Variants in RFPL1 observed in about 807,000 individuals in gnomAD.
The protein encoded by RFPL1 is ret finger protein-like 1.
RFPL1 carries 6 observed loss-of-function variants against 9.6 expected under a neutral mutation model. The ratio of observed to expected loss-of-function variants is 0.62; its 90% confidence interval spans 0.34 to 1.23. The LOEUF (loss-of-function observed/expected upper bound fraction) is 1.23, where lower values mean the gene tolerates loss of function less well. Among genes scored for constraint, RFPL1 ranks in the 50% most tolerant of loss-of-function variants. The probability of loss-of-function intolerance (pLI) is 0.03; values close to 1 mark genes in which losing one functional copy is unlikely to be tolerated. For missense variants in RFPL1, 352 were observed against 398.4 expected (o/e 0.88, Z 0.99); for synonymous variants, 145 against 149.4 (o/e 0.97, Z 0.22).
chr22:29,441,501 C>A (rs778630330), intron 1 of RFPL1, 41 bp from the exon 2 acceptor site: 10 of 1,582,200 alleles, frequency 6.3e-6, no homozygotes, highest in Non-Finnish European at 6.9e-6. Flanking sequence ...ATGGGGTTGG[C>A]TTCTGTCCAT....
At chr22:29,422,994 A>T in the RFPL1 span, 1 of 764,298 alleles carries the variant, frequency 1.3e-6, no homozygotes, top group South Asian at 1.7e-5. Context: ...ATCTACCACA[A>T]GCTCTAGGTC....
chr22:29,437,162 A>T (rs746306405), upstream of RFPL1: 20 of 158,918 alleles, frequency 1.3e-4, no homozygotes, highest in Non-Finnish European at 2.2e-4. Context: ...TAATTATCCA[A>T]TTTTTTCCTA....
chr22:29,405,229 C>T, the RFPL1 span, among the ~76,000 whole-genome samples: 8 of 152,046 alleles, frequency 5.3e-5, no homozygotes, highest in African/African-American at 1.4e-4. Flanking sequence ...TTAGGATTGT[C>T]GGAGCAGGGA....
chr22:29,439,062 A>G lies in RFPL1; in HGVS notation c.271A>G (p.Arg91Gly), dbSNP rs775094034. Residue 91 changes from arginine (R) to glycine (G), a missense_variant, in exon 1 of 2, where the codon AGG becomes GGG. Coordinates refer to ENST00000354373, the Ensembl canonical transcript of RFPL1. The stretch of plus-strand genomic sequence containing the variant: ...CATGGTCTCTCAGAAGAACAAAATC[A>G]GGCCCAGTTGGCAGCTAGAGAGGCT... 58 of 1,614,068 alleles carry G rather than the reference A, an allele frequency of 3.6e-5. No individual in the cohort carries two copies. The highest frequency in any genetic ancestry group is 4.7e-5 in the Non-Finnish European group (56 of 1,180,044).
chr22:29,397,160 C>T, the RFPL1 span, among the ~76,000 whole-genome samples: 12 of 146,276 alleles, frequency 8.2e-5, no homozygotes, highest in East Asian at 6.3e-4. Context: ...CCGCCCACCT[C>T]GGCCTCCCAA....
At chr22:29,431,858 T>A in the RFPL1 span, among the ~76,000 whole-genome samples, 5 of 151,690 alleles carry the variant, frequency 3.3e-5, no homozygotes, top group African/African-American at 1.2e-4. Flanking sequence ...GCCCAGCTAA[T>A]TTTTTTTGTA....
At chr22:29,437,549 G>T (rs542353700), upstream of RFPL1, 5 of 1,461,618 alleles carry the variant, frequency 3.4e-6, no homozygotes, top group Non-Finnish European at 2.8e-6. Context: ...TATATCACCA[G>T]TAAAAACCTA....
chr22:29,420,963 C>T, the RFPL1 span, among the ~76,000 whole-genome samples: 7 of 152,138 alleles, frequency 4.6e-5, no homozygotes, highest in South Asian at 2.1e-4. Context: ...TCTCTAAGCC[C>T]AGTCCCATAC....
At chr22:29,392,332 G>A in the RFPL1 span, among the ~76,000 whole-genome samples, 1 of 144,624 alleles carries the variant, frequency 6.9e-6, no homozygotes, top group Non-Finnish European at 1.5e-5. Flanking sequence ...CGCCCGCCTT[G>A]GCCTCCCACA....
the RFPL1 span, among the ~76,000 whole-genome samples, chr22:29,430,622 A>G: frequency 1.3e-5 from 2 of 152,128 alleles, no homozygotes; most frequent in Non-Finnish European, 2.9e-5. Context: ...GTGCATTTTC[A>G]CGATCTTGGA....
At chr22:29,388,337 C>T in the RFPL1 span, 1 of 152,494 alleles carries the variant, frequency 6.6e-6, no homozygotes, top group Admixed American at 6.5e-5. Flanking sequence ...CTCTTCATGA[C>T]CTCTGACCCC....
chr22:29,410,877 C>T, the RFPL1 span, among the ~76,000 whole-genome samples: 1 of 152,018 alleles, frequency 6.6e-6, no homozygotes, highest in Non-Finnish European at 1.5e-5. Context: ...AAGCCTCTCT[C>T]TCTTCCTACT....
chr22:29,426,526 A>G, the RFPL1 span, among the ~76,000 whole-genome samples: 1 of 151,616 alleles, frequency 6.6e-6, no homozygotes, highest in African/African-American at 2.4e-5. Flanking sequence ...CCGAGGTGGG[A>G]GGATCGCCTG....
At chr22:29,420,636 T>TG in the RFPL1 span, among the ~76,000 whole-genome samples, 1 of 128,066 alleles carries the variant, frequency 7.8e-6, no homozygotes, top group African/African-American at 2.9e-5. Flanking sequence ...GTTTTTTGCT[T>TG]TTTTTTTTTT....
the RFPL1 span, chr22:29,388,538 C>G: frequency 1.3e-5 from 2 of 152,280 alleles, no homozygotes; most frequent in Admixed American, 6.5e-5. Flanking sequence ...GCTCGGAGCC[C>G]CGCGGCTGTC....
chr22:29,411,021 T>C, the RFPL1 span, among the ~76,000 whole-genome samples: 1 of 152,130 alleles, frequency 6.6e-6, no homozygotes, highest in African/African-American at 2.4e-5. Flanking sequence ...CCTGGGTCAT[T>C]ACAGAGTGGG....
chr22:29,388,772 A>C, the RFPL1 span, among the ~76,000 whole-genome samples: 3 of 152,172 alleles, frequency 2.0e-5, no homozygotes, highest in Non-Finnish European at 4.4e-5. Context: ...ATTCAGCGTG[A>C]GGGGGCCGGG....
chr22:29,441,416 T>G, intron 1 of RFPL1, 126 bp from the exon 2 acceptor site: 2 of 1,204,978 alleles, frequency 1.7e-6, no homozygotes, highest in Admixed American at 2.8e-5. Context: ...ATGAAAAGTT[T>G]TGATTTTGGG....
the RFPL1 span, among the ~76,000 whole-genome samples, chr22:29,426,094 G>A: frequency 3.9e-5 from 6 of 152,020 alleles, no homozygotes; most frequent in South Asian, 2.1e-4. Context: ...AGGCCAAGGC[G>A]GGCGGATCGC....
Sources: allele counts gnomAD v4.1 joint callset (sites outside exome capture counted in the v4.1 genomes callset), GRCh38; gene constraint gnomAD v4.1.1; transcripts MANE v1.5; gene names NCBI Gene and HGNC (gene_info 2026-07-23, HGNC 2026-07-21).